The following ZBTB7C variants were observed in gnomAD, a reference collection of about 807,000 sequenced individuals.
ZBTB7C encodes zinc finger and BTB domain-containing protein 7C.
In ZBTB7C, 8 loss-of-function variants were observed where a neutral mutation model predicts 25.7. The observed-to-expected ratio is 0.31, with a 90% CI of 0.18 to 0.56. ZBTB7C has a LOEUF of 0.56. ZBTB7C is among the 20% of genes least tolerant of loss of function. The probability of loss-of-function intolerance (pLI) is 0.91; values close to 1 mark genes in which losing one functional copy is unlikely to be tolerated. For synonymous variants in ZBTB7C, 394 were observed against 369.0 expected, an observed-to-expected ratio of 1.07 and a Z score of -0.78; for missense variants, 824 against 855.2, an observed-to-expected ratio of 0.96 and a Z score of 0.46.
intron 2 of ZBTB7C, among the ~76,000 whole-genome samples, chr18:48,217,827 G>A (rs547683303): frequency 2.0e-5 from 3 of 152,188 alleles, no homozygotes; most frequent in African/African-American, 4.8e-5. Flanking sequence ...AGGGAACACT[G>A]GGTTGTCTGC....
intron 3 of ZBTB7C, among the ~76,000 whole-genome samples, chr18:48,106,821 G>T (rs1192025600): frequency 7.0e-6 from 1 of 142,274 alleles, no homozygotes; most frequent in Admixed American, 7.1e-5. Flanking sequence ...GAAGAAGGGG[G>T]TTCTGCAGCG....
chr18:48,329,334 C>A (rs999857101), intron 2 of ZBTB7C, among the ~76,000 whole-genome samples: 1 of 152,180 alleles, frequency 6.6e-6, no homozygotes, highest in Non-Finnish European at 1.5e-5. Flanking sequence ...GTTGCTGGTA[C>A]TTTTTAACCT....
At chr18:48,373,184 G>A (rs1007510498) in intron 1 of ZBTB7C, among the ~76,000 whole-genome samples, 1 of 152,134 alleles carries the variant, frequency 6.6e-6, no homozygotes, top group Non-Finnish European at 1.5e-5. Flanking sequence ...GGGGCCTGGT[G>A]GGAGGATTTG....
chr18:48,242,997 C>G, intron 2 of ZBTB7C, among the ~76,000 whole-genome samples: 1 of 152,004 alleles, frequency 6.6e-6, no homozygotes, highest in Non-Finnish European at 1.5e-5. Context: ...GGTGTGGTGG[C>G]TCATGCCCAT....
intron 3 of ZBTB7C, among the ~76,000 whole-genome samples, chr18:48,172,553 G>A (rs1464701494): frequency 1.3e-5 from 2 of 152,170 alleles, no homozygotes; most frequent in Non-Finnish European, 2.9e-5. Context: ...AGACCAGCGA[G>A]CTCTGAAGGA....
chr18:48,285,634 G>A (rs1214407127), intron 2 of ZBTB7C, among the ~76,000 whole-genome samples: 1 of 152,162 alleles, frequency 6.6e-6, no homozygotes, highest in Non-Finnish European at 1.5e-5. Context: ...TTACAGGCAT[G>A]AGCCATTATG....
chr18:48,343,390 A>G (rs143663621), intron 1 of ZBTB7C, among the ~76,000 whole-genome samples: 58 of 152,336 alleles, frequency 3.8e-4, no homozygotes, highest in Admixed American at 9.1e-4. Context: ...TGCCTCATCT[A>G]TAACATAGAG....
chr18:48,200,719 T>C (rs2042422397), intron 2 of ZBTB7C, among the ~76,000 whole-genome samples: 1 of 152,250 alleles, frequency 6.6e-6, no homozygotes. Context: ...CAGGGCAGGC[T>C]GGCCATCAGC....
At chr18:48,410,903 C>T (rs748923461), upstream of ZBTB7C, among the ~76,000 whole-genome samples, 6 of 152,188 alleles carry the variant, frequency 3.9e-5, no homozygotes, top group African/African-American at 7.2e-5. Flanking sequence ...CGCCTAGTGC[C>T]CATTCTGGCT....
At chr18:48,114,695 A>G (rs1328491847) in intron 3 of ZBTB7C, among the ~76,000 whole-genome samples, 2 of 152,208 alleles carry the variant, frequency 1.3e-5, no homozygotes, top group Admixed American at 6.5e-5. Flanking sequence ...AAAATGGGTA[A>G]GTACATCACA....
intron 2 of ZBTB7C, among the ~76,000 whole-genome samples, chr18:48,295,212 C>T (rs141943467): frequency 2.8e-4 from 43 of 152,274 alleles, no homozygotes; most frequent in African/African-American, 9.6e-4. Context: ...CCGGAGTCTT[C>T]GGTAGGTCCA....
chr18:48,084,168 TAAG>T (rs2038095486), intron 3 of ZBTB7C, among the ~76,000 whole-genome samples: 1 of 152,054 alleles, frequency 6.6e-6, no homozygotes, highest in Non-Finnish European at 1.5e-5. Context: ...CCGGAGCAAC[TAAG>T]GAGAGAATGA....
At chr18:48,229,849 G>T (rs2043205603) in intron 2 of ZBTB7C, among the ~76,000 whole-genome samples, 1 of 152,106 alleles carries the variant, frequency 6.6e-6, no homozygotes, top group South Asian at 2.1e-4. Context: ...CACTGAGGGG[G>T]TGGCCAAGGG....
intron 2 of ZBTB7C, among the ~76,000 whole-genome samples, chr18:48,228,976 A>ACCAG (rs2043180573): frequency 6.6e-6 from 1 of 152,080 alleles, no homozygotes; most frequent in Admixed American, 6.5e-5. Context: ...AGAGCCTCGA[A>ACCAG]CCATCTGGAA....
intron 3 of ZBTB7C, among the ~76,000 whole-genome samples, chr18:48,153,023 G>A (rs2040725406): frequency 6.6e-6 from 1 of 152,248 alleles, no homozygotes; most frequent in Non-Finnish European, 1.5e-5. Flanking sequence ...TGGGGCTTCT[G>A]GTGCCTGGGC....
chr18:48,280,761 A>G (rs2044817034), intron 2 of ZBTB7C, among the ~76,000 whole-genome samples: 1 of 150,212 alleles, frequency 6.7e-6, no homozygotes, highest in Admixed American at 6.6e-5. Flanking sequence ...CCCAACTAAC[A>G]CTCAGTAGCC....
At chr18:48,110,597 A>G (rs1038000577) in intron 3 of ZBTB7C, among the ~76,000 whole-genome samples, 21 of 152,324 alleles carry the variant, frequency 1.4e-4, no homozygotes, top group East Asian at 7.7e-4. Context: ...AGAACCCCTG[A>G]GATTTAATTT....
chr18:48,082,508 G>A (rs2038028867), intron 3 of ZBTB7C, among the ~76,000 whole-genome samples: 1 of 152,164 alleles, frequency 6.6e-6, no homozygotes, highest in South Asian at 2.1e-4. Context: ...CAAGGTAGGA[G>A]GTGTGTGCAG....
rs7230368 is a variant in ZBTB7C at position 48,125,734 on chromosome 18, G to C, written c.-17+60200C>G. Among the ~76,000 whole-genome samples, 1,292 of 152,282 alleles carry C rather than the reference G, an allele frequency of 8.5e-3. 19 individuals carry two copies. The highest frequency in any genetic ancestry group is 0.03 in the African/African-American group (1,226 of 41,558). ...CTGATGTCCTAACATTGTCTGCCTT[G>C]CCCCTCATTAGGTGGCTCCAGTAGA... On this transcript the variant is annotated intron_variant, in intron 3 of 4. Coordinates refer to ENST00000590800, the MANE Select transcript of ZBTB7C (RefSeq NM_001318841.2).
Sources: gnomAD v4.1 joint callset for allele counts (sites outside exome capture counted in the v4.1 genomes callset) on GRCh38, gnomAD v4.1.1 for gene constraint, MANE v1.5 for transcripts, NCBI Gene and HGNC (gene_info 2026-07-23, HGNC 2026-07-21) for gene names.